ANO6: variants seen among roughly 807,000 people sequenced by gnomAD.
The protein encoded by ANO6 is anoctamin-6.
Under a neutral mutation model 117.5 loss-of-function variants are expected in ANO6, and 106 were observed. The ratio of observed to expected loss-of-function variants is 0.90; its 90% confidence interval spans 0.77 to 1.06. The LOEUF (loss-of-function observed/expected upper bound fraction) is 1.06, where lower values mean the gene tolerates loss of function less well. ANO6 is among the 50% of genes least tolerant of loss of function. The probability of loss-of-function intolerance (pLI) is 0.00; values close to 1 mark genes in which losing one functional copy is unlikely to be tolerated. For synonymous variants in ANO6, 367 were observed against 385.1 expected (o/e 0.95, Z 0.55); for missense variants, 955 against 1,121.1 (o/e 0.85, Z 2.12).
At chr12:45,413,576 G>T (rs142099191) in intron 16 of ANO6, among the ~76,000 whole-genome samples, 1 of 152,344 alleles carries the variant, frequency 6.6e-6, no homozygotes, top group Non-Finnish European at 1.5e-5. Context: ...ACAGAGAATT[G>T]ATGATGAGGC....
intron 8 of ANO6, among the ~76,000 whole-genome samples, chr12:45,362,720 A>G (rs1196254097): frequency 1.3e-5 from 2 of 152,010 alleles, no homozygotes; most frequent in Non-Finnish European, 2.9e-5. Flanking sequence ...CCTGGGGATT[A>G]TAATTAACAA....
At chr12:45,356,768 T>G (rs1434996364) in intron 7 of ANO6, among the ~76,000 whole-genome samples, 1 of 152,030 alleles carries the variant, frequency 6.6e-6, no homozygotes, top group African/African-American at 2.4e-5. Flanking sequence ...CACACTAGGT[T>G]TATCTTTTAT....
chr12:45,217,017 C>A (rs1242323627), intron 1 of ANO6, among the ~76,000 whole-genome samples: 1 of 152,170 alleles, frequency 6.6e-6, no homozygotes, highest in Non-Finnish European at 1.5e-5. Context: ...CTTTTTCACT[C>A]GTCCTGAGGG....
At chr12:45,423,205 T>TTTCAG in intron 19 of ANO6, 143 bp downstream of exon 19, 1 of 717,012 alleles carries the variant, frequency 1.4e-6, no homozygotes, top group Non-Finnish European at 2.5e-6. Context: ...TAATCAGTAT[T>TTTCAG]GACCTGAAAA....
intron 1 of ANO6, among the ~76,000 whole-genome samples, chr12:45,291,027 C>T (rs1015917116): frequency 1.3e-5 from 2 of 152,168 alleles, no homozygotes; most frequent in African/African-American, 4.8e-5. Context: ...GTGCCAGATA[C>T]ACTCAATGAG....
chr12:45,421,362 AT>A, intron 18 of ANO6, 89 bp downstream of exon 18: 2 of 1,347,422 alleles, frequency 1.5e-6, no homozygotes, highest in Non-Finnish European at 2.1e-6. Context: ...CATTTTTAAA[AT>A]TTTTATTTCT....
chr12:45,322,733 A>C (rs1274897691), intron 2 of ANO6, among the ~76,000 whole-genome samples: 8 of 152,274 alleles, frequency 5.3e-5, no homozygotes, highest in Non-Finnish European at 4.4e-5. Context: ...TCAGAGGTAG[A>C]GGCAATATGA....
rs986731713 is a variant in ANO6 at position 45,381,106 on chromosome 12, A to G, written c.1165+2993A>G. On this transcript the variant is annotated intron_variant, in intron 10 of 19. Coordinates refer to ENST00000320560, the MANE Select transcript of ANO6 (RefSeq NM_001025356.3). ...CTCTTACAGCAACCAGAACATTCCCATCTACCAGAGTGTGTCTCATCCTTA... is the reference window on the plus strand; with the variant it reads ...CTCTTACAGCAACCAGAACATTCCCGTCTACCAGAGTGTGTCTCATCCTTA... Among the ~76,000 whole-genome samples the G allele has an allele frequency of 2.6e-5, 4 of 152,220 alleles. 1 individual carries two copies. Among genetic ancestry groups the G allele is most frequent in the Admixed American group, 2.6e-4 (4 of 15,286 alleles).
At position 45,405,528 on chromosome 12, in the gene ANO6, T is replaced by A. The variant is rs184541989; in HGVS notation, c.1880+1992T>A. Among the ~76,000 whole-genome samples the A allele has an allele frequency of 1.8e-4, 27 of 152,298 alleles. No individual in the cohort carries two copies. The East Asian group carries it at 4.6e-3, about 26-fold the overall frequency. Reference sequence around the variant, plus strand: ...TTGTTTGAAAACTGAGAATGCTGAGTGTTAGCCAAATTAGAGAGTGACTGG... The same window carrying A: ...TTGTTTGAAAACTGAGAATGCTGAGAGTTAGCCAAATTAGAGAGTGACTGG... On this transcript the variant is annotated intron_variant, in intron 15 of 19. Coordinates refer to ENST00000320560, the MANE Select transcript of ANO6 (RefSeq NM_001025356.3).
chr12:45,302,552 A>G (rs558725835), intron 2 of ANO6, among the ~76,000 whole-genome samples: 5 of 152,266 alleles, frequency 3.3e-5, no homozygotes, highest in African/African-American at 4.8e-5. Context: ...TTGTAGGGCT[A>G]GGAATATTCT....
chr12:45,338,427 A>G (rs1940887127), intron 3 of ANO6, among the ~76,000 whole-genome samples: 1 of 152,054 alleles, frequency 6.6e-6, no homozygotes, highest in Non-Finnish European at 1.5e-5. Flanking sequence ...TAGTTCATGA[A>G]TTGGAAACTT....
chr12:45,386,313 T>C (rs1593048073), intron 10 of ANO6, among the ~76,000 whole-genome samples: 1 of 152,210 alleles, frequency 6.6e-6, no homozygotes, highest in East Asian at 1.9e-4. Context: ...TGTTGTAGAC[T>C]TTTACCTATC....
chr12:45,223,302 G>A (rs2137123295), intron 1 of ANO6, among the ~76,000 whole-genome samples: 1 of 152,252 alleles, frequency 6.6e-6, no homozygotes, highest in East Asian at 1.9e-4. Flanking sequence ...CCTTAACTGT[G>A]GGATCTGACA....
intron 10 of ANO6, among the ~76,000 whole-genome samples, chr12:45,383,622 T>C (rs1942222764): frequency 6.6e-6 from 1 of 152,220 alleles, no homozygotes; most frequent in African/African-American, 2.4e-5. Flanking sequence ...ACAATATTAA[T>C]CTCTGTACAT....
chr12:45,355,395 A>C (rs1388616265), intron 7 of ANO6, among the ~76,000 whole-genome samples: 1 of 152,112 alleles, frequency 6.6e-6, no homozygotes, highest in Non-Finnish European at 1.5e-5. Context: ...TGTCACAGTA[A>C]ATAACCAAGC....
chr12:45,352,576 A>AAAAAT (rs1555172203), intron 7 of ANO6, among the ~76,000 whole-genome samples: 5 of 150,916 alleles, frequency 3.3e-5, no homozygotes, highest in Non-Finnish European at 4.4e-5. Flanking sequence ...AAAAAAAAAA[A>AAAAAT]AAAAAAGCCA....
At chr12:45,270,903 A>G (rs1447504327) in intron 1 of ANO6, among the ~76,000 whole-genome samples, 1 of 152,094 alleles carries the variant, frequency 6.6e-6, no homozygotes, top group Non-Finnish European at 1.5e-5. Context: ...TATTTTTAGT[A>G]GAGACAGGGT....
chr12:45,358,482 AAAAAATC>A (rs925507847), intron 8 of ANO6, among the ~76,000 whole-genome samples: 3 of 152,176 alleles, frequency 2.0e-5, no homozygotes. Flanking sequence ...GTTTAAAAAA[AAAAAATC>A]AAAAATACAT....
intron 12 of ANO6, among the ~76,000 whole-genome samples, chr12:45,398,476 A>G (rs1942691041): frequency 6.6e-6 from 1 of 152,228 alleles, no homozygotes; most frequent in Non-Finnish European, 1.5e-5. Flanking sequence ...TTGTGTTTCA[A>G]GTCTCAAAAA....
Sources: gnomAD v4.1 joint callset for allele counts (sites outside exome capture counted in the v4.1 genomes callset) on GRCh38, gnomAD v4.1.1 for gene constraint, MANE v1.5 for transcripts, NCBI Gene and HGNC (gene_info 2026-07-23, HGNC 2026-07-21) for gene names.